The following TYW1 variants were observed in gnomAD, a reference collection of about 807,000 sequenced individuals.
TYW1 encodes tRNA-yW synthesizing protein 1 homolog.
A neutral mutation model predicts 96.2 loss-of-function variants in TYW1; 46 were observed. That is an observed-to-expected ratio of 0.48 (90% CI 0.38 to 0.61). TYW1 has a LOEUF of 0.61. TYW1 is among the 20% of genes least tolerant of loss of function. The pLI is 0.00. For synonymous variants in TYW1, 274 were observed against 323.0 expected (o/e 0.85, Z 1.63); for missense variants, 684 against 909.6 (o/e 0.75, Z 3.19).
chr7:67,039,670 C>CT (rs35673254), intron 7 of TYW1, among the ~76,000 whole-genome samples: 100 of 144,948 alleles, frequency 6.9e-4, no homozygotes, highest in African/African-American at 1.5e-3. Flanking sequence ...TTTTTAATTA[C>CT]TTTTTTTTTT....
At chr7:67,102,813 A>G (rs1797126979) in intron 12 of TYW1, among the ~76,000 whole-genome samples, 1 of 152,102 alleles carries the variant, frequency 6.6e-6, no homozygotes, top group Non-Finnish European at 1.5e-5. Context: ...CACCACACCC[A>G]GCTAATTTTT....
chr7:67,135,932 A>G (rs548938597), intron 13 of TYW1, among the ~76,000 whole-genome samples: 2 of 152,360 alleles, frequency 1.3e-5, no homozygotes, highest in Admixed American at 1.3e-4. Context: ...TCTAATAGCT[A>G]ACATCTGTTA....
At chr7:67,091,007 G>A (rs1022290963) in intron 11 of TYW1, among the ~76,000 whole-genome samples, 1 of 152,122 alleles carries the variant, frequency 6.6e-6, no homozygotes, top group South Asian at 2.1e-4. Context: ...ACAGTGTGGC[G>A]ATTCCTCAAG....
At chr7:67,146,130 G>T (rs1162627078) in intron 13 of TYW1, among the ~76,000 whole-genome samples, 1 of 152,018 alleles carries the variant, frequency 6.6e-6, no homozygotes, top group Non-Finnish European at 1.5e-5. Context: ...GGGGTTCATA[G>T]TTATAATCAT....
Position 67,057,758 on chromosome 7 carries a change from T to C in TYW1, c.1155+1871T>C, listed in dbSNP as rs181894240. Among the ~76,000 whole-genome samples, 22 of 152,360 alleles carry C rather than the reference T, an allele frequency of 1.4e-4. No homozygotes were observed. The East Asian group carries it at 4.0e-3, about 28-fold the overall frequency. On this transcript the variant is annotated intron_variant, in intron 9 of 15. Transcript: ENST00000359626. ...GTTCAAACTTGGTTGTTTGACTCTA[T>C]ATTATTGATTTCTAGAAGTTCTTTA...
chr7:67,092,965 G>T (rs139140327), intron 11 of TYW1, among the ~76,000 whole-genome samples: 15,720 of 151,686 alleles, frequency 0.1, 880 homozygotes, highest in Middle Eastern at 0.15. Context: ...TTACAGGCGT[G>T]AGCCACCACG....
At chr7:67,236,464 A>G (rs969505673) in intron 15 of TYW1, among the ~76,000 whole-genome samples, 6 of 152,188 alleles carry the variant, frequency 3.9e-5, no homozygotes, top group Admixed American at 3.9e-4. Flanking sequence ...AGGTGGTGTG[A>G]GCGGCCAGGG....
chr7:67,183,592 A>T (rs1337683511), intron 14 of TYW1, among the ~76,000 whole-genome samples: 1 of 152,218 alleles, frequency 6.6e-6, no homozygotes, highest in African/African-American at 2.4e-5. Context: ...TTTCAGACAT[A>T]TACGGAAGTA....
chr7:67,214,056 T>G (rs972462488), intron 15 of TYW1, among the ~76,000 whole-genome samples: 1 of 152,208 alleles, frequency 6.6e-6, no homozygotes, highest in African/African-American at 2.4e-5. Flanking sequence ...AATCACTCTC[T>G]AGGATTTTGA....
At chr7:67,150,977 C>G (rs1798779089) in intron 13 of TYW1, among the ~76,000 whole-genome samples, 1 of 152,092 alleles carries the variant, frequency 6.6e-6, no homozygotes, top group African/African-American at 2.4e-5. Context: ...TAACTTTACA[C>G]CAGACCTCCC....
At chr7:67,087,147 C>T (rs1450401443) in intron 11 of TYW1, among the ~76,000 whole-genome samples, 3 of 152,144 alleles carry the variant, frequency 2.0e-5, no homozygotes, top group East Asian at 1.9e-4. Flanking sequence ...TTTGCAAATG[C>T]ACTTTAAATG....
chr7:67,139,728 G>GGTGTGTGTGTGTGTGTGT (rs55993805), intron 13 of TYW1, among the ~76,000 whole-genome samples: 9 of 138,520 alleles, frequency 6.5e-5, no homozygotes, highest in South Asian at 2.5e-4. Flanking sequence ...TGTGTATACA[G>GGTGTGTGTGTGTGTGTGT]GTGTGTGTGT....
At chr7:67,234,761 GA>G (rs1456799370) in intron 15 of TYW1, among the ~76,000 whole-genome samples, 2 of 146,934 alleles carry the variant, frequency 1.4e-5, no homozygotes, top group Non-Finnish European at 3.0e-5. Flanking sequence ...AGAGTCAAAA[GA>G]AACCAGATCT....
intron 13 of TYW1, among the ~76,000 whole-genome samples, chr7:67,156,760 C>G (rs1473620624): frequency 6.6e-6 from 1 of 151,808 alleles, no homozygotes; most frequent in Non-Finnish European, 1.5e-5. Flanking sequence ...GGGGGTTGAG[C>G]TCAATACGGT....
chr7:67,130,376 CA>C (rs1173788017), intron 13 of TYW1, among the ~76,000 whole-genome samples: 1 of 131,936 alleles, frequency 7.6e-6, no homozygotes, highest in Non-Finnish European at 1.6e-5. Context: ...GACTCCATCT[CA>C]AAAAACAAAC....
intron 15 of TYW1, among the ~76,000 whole-genome samples, chr7:67,196,190 AC>A (rs1338890242): frequency 6.6e-6 from 1 of 151,142 alleles, no homozygotes; most frequent in Non-Finnish European, 1.5e-5. Flanking sequence ...ATTAAATTCA[AC>A]CATTAATTTC....
chr7:67,075,616 G>A (rs1051365731), intron 10 of TYW1, among the ~76,000 whole-genome samples: 13 of 152,144 alleles, frequency 8.5e-5, no homozygotes, highest in Admixed American at 6.6e-5. Context: ...GAAAGAAGCC[G>A]ATCACAACAG....
chr7:67,216,752 C>T (rs1231117512), intron 15 of TYW1, among the ~76,000 whole-genome samples: 2 of 149,078 alleles, frequency 1.3e-5, no homozygotes, highest in Admixed American at 1.3e-4. Context: ...TAGCTGCATC[C>T]CACAAATTTT....
chr7:67,034,870 A>G (rs541712023), intron 7 of TYW1, among the ~76,000 whole-genome samples: 1 of 152,208 alleles, frequency 6.6e-6, no homozygotes, highest in Non-Finnish European at 1.5e-5. Flanking sequence ...GGGAGTTTGT[A>G]GTTTTGATAT....
Sources: gnomAD v4.1 joint callset for allele counts (sites outside exome capture counted in the v4.1 genomes callset) on GRCh38, gnomAD v4.1.1 for gene constraint, MANE v1.5 for transcripts, NCBI Gene and HGNC (gene_info 2026-07-23, HGNC 2026-07-21) for gene names.